The following DUSP16 variants were observed in gnomAD, a reference collection of about 807,000 sequenced individuals.
DUSP16 encodes dual specificity protein phosphatase 16.
In DUSP16, 21 loss-of-function variants were observed where a neutral mutation model predicts 58.3. That is an observed-to-expected ratio of 0.36 (90% CI 0.26 to 0.52). The LOEUF (loss-of-function observed/expected upper bound fraction) is 0.52. Among genes scored for constraint, DUSP16 ranks in the 20% least tolerant of loss-of-function variants. The pLI is 0.94. For synonymous variants in DUSP16, 320 were observed against 323.8 expected, an observed-to-expected ratio of 0.99 and a Z score of 0.12; for missense variants, 726 against 819.0, an observed-to-expected ratio of 0.89 and a Z score of 1.39.
chr12:12,497,972 GAAACA>G (rs34317999), intron 4 of DUSP16, among the ~76,000 whole-genome samples: 43,495 of 150,708 alleles, frequency 0.29, 6,985 homozygotes, highest in Non-Finnish European at 0.34. Context: ...CCATCTCAAA[GAAACA>G]AAACAAAACA....
At chr12:12,484,768 C>T (rs1943646585) in intron 5 of DUSP16, among the ~76,000 whole-genome samples, 1 of 150,836 alleles carries the variant, frequency 6.6e-6, no homozygotes, top group Admixed American at 6.6e-5. Flanking sequence ...ATTACAGGTG[C>T]CCGCCACCAT....
At chr12:12,481,742 A>T (rs1164230264) in intron 5 of DUSP16, among the ~76,000 whole-genome samples, 1 of 152,164 alleles carries the variant, frequency 6.6e-6, no homozygotes, top group African/African-American at 2.4e-5. Flanking sequence ...ACACTCAAAC[A>T]AAGAATTGCA....
intron 3 of DUSP16, among the ~76,000 whole-genome samples, chr12:12,507,975 A>G (rs919377542): frequency 6.6e-6 from 1 of 152,244 alleles, no homozygotes; most frequent in Admixed American, 6.5e-5. Flanking sequence ...TTTTTGTAAC[A>G]TAAACACAAT....
rs1220322707 is a variant in DUSP16, at chr12:12,534,477, CT to C, written c.-365-13015del. ...CCTCATCCCTTGGTTATTTTTTCCA[CT>C]TTGTCCTTTCCACTGTCTTTTTCTA... On this transcript the variant is annotated intron_variant, in intron 1 of 6. Coordinates refer to ENST00000298573, the MANE Select transcript of DUSP16 (RefSeq NM_030640.3). Among the ~76,000 whole-genome samples, 3 of 152,190 alleles carry C rather than the reference CT, an allele frequency of 2.0e-5. No individual in the cohort carries two copies. In the East Asian group the frequency reaches 5.8e-4, roughly 29 times the overall value.
In DUSP16 at chr12:12,500,566, T is replaced by C. The variant is rs1230831671; in HGVS notation, c.484A>G (p.Ile162Val). The C allele has an allele frequency of 2.5e-6, 4 of 1,612,092 alleles. No individual in the cohort carries two copies. In the South Asian group the frequency reaches 4.4e-5, roughly 18 times the overall value. ...LPVANIGPTR[I>V]LPNLYLGCQR... ...CAGCCAAGATAAAGATTGGGAAGAA[T>C]TCGGGTTGGCCCAATGTTGGCAACA... is the stretch of plus-strand genomic sequence containing the variant. The change falls in exon 4 of 7, where the codon ATT becomes GTT. Residue 162 changes from isoleucine to valine, a missense_variant. Transcript: ENST00000298573.
rs777190985 is a variant in DUSP16, at chr12:12,521,130, T to C, written c.-32A>G. 1.0e-5 allele frequency: 16 copies of C among 1,605,582 alleles called. No homozygotes were observed. Among genetic ancestry groups the C allele is most frequent in the Non-Finnish European group, 1.4e-5 (16 of 1,175,620 alleles). ...AATAAGTCCTCTTTTCCCACCTCCTTCTTTAATTTGCCACGATGATGTAAT... is the reference window on the plus strand; with the variant it reads ...AATAAGTCCTCTTTTCCCACCTCCTCCTTTAATTTGCCACGATGATGTAAT... On this transcript the variant is annotated 5_prime_UTR_variant, in exon 2 of 7. Coordinates refer to ENST00000298573, the MANE Select transcript of DUSP16 (RefSeq NM_030640.3).
intron 4 of DUSP16, among the ~76,000 whole-genome samples, chr12:12,490,294 C>T (rs1943743462): frequency 1.3e-5 from 2 of 151,948 alleles, no homozygotes; most frequent in African/African-American, 4.8e-5. Context: ...AAATTTTTAG[C>T]TTAAAAGGTC....
intron 4 of DUSP16, among the ~76,000 whole-genome samples, chr12:12,498,715 A>G (rs1012684156): frequency 1.3e-5 from 2 of 152,158 alleles, no homozygotes; most frequent in Admixed American, 6.6e-5. Context: ...ACAAATATAA[A>G]TTTATATTCA....
intron 1 of DUSP16, among the ~76,000 whole-genome samples, chr12:12,545,983 A>G (rs1051607235): frequency 1.3e-5 from 2 of 152,230 alleles, no homozygotes; most frequent in Admixed American, 1.3e-4. Context: ...GAATATCTGA[A>G]TGGAAAAGAA....
intron 5 of DUSP16, among the ~76,000 whole-genome samples, chr12:12,484,683 G>C (rs767362892): frequency 7.9e-5 from 12 of 152,136 alleles, no homozygotes; most frequent in Non-Finnish European, 8.8e-5. Flanking sequence ...GTGCAATGGC[G>C]TGGTCTCGGC....
At chr12:12,522,466 C>G (rs1944250980) in intron 1 of DUSP16, among the ~76,000 whole-genome samples, 1 of 152,160 alleles carries the variant, frequency 6.6e-6, no homozygotes, top group African/African-American at 2.4e-5. Context: ...ACCTTCAATA[C>G]TCTCGGATTC....
At chr12:12,554,124 G>A (rs1203600405) in intron 1 of DUSP16, among the ~76,000 whole-genome samples, 1 of 148,054 alleles carries the variant, frequency 6.8e-6, no homozygotes, top group African/African-American at 2.5e-5. Context: ...TTGAACCCAG[G>A]AGGCAGAGAT....
chr12:12,533,309 T>C (rs1023506177), intron 1 of DUSP16, among the ~76,000 whole-genome samples: 1 of 152,260 alleles, frequency 6.6e-6, no homozygotes, highest in Non-Finnish European at 1.5e-5. Context: ...GCAAGATGAC[T>C]TTCATTGCTC....
At chr12:12,557,593 G>T (rs111735671) in intron 1 of DUSP16, among the ~76,000 whole-genome samples, 1 of 150,488 alleles carries the variant, frequency 6.6e-6, no homozygotes, top group Admixed American at 6.6e-5. Flanking sequence ...CATTTGGACT[G>T]CACATGAATA....
chr12:12,518,571 C>G (rs542614711), intron 3 of DUSP16, among the ~76,000 whole-genome samples: 1 of 151,892 alleles, frequency 6.6e-6, no homozygotes, highest in East Asian at 1.9e-4. Flanking sequence ...AAGGTAAAGT[C>G]CCTCACACAG....
chr12:12,516,395 G>A (rs1204147746), intron 3 of DUSP16, among the ~76,000 whole-genome samples: 1 of 152,172 alleles, frequency 6.6e-6, no homozygotes, highest in South Asian at 2.1e-4. Flanking sequence ...CTAATGACTA[G>A]AGCAATCAAT....
At chr12:12,556,856 G>A (rs1944813431) in intron 1 of DUSP16, among the ~76,000 whole-genome samples, 2 of 152,170 alleles carry the variant, frequency 1.3e-5, no homozygotes, top group Non-Finnish European at 2.9e-5. Context: ...AGGGACAAGA[G>A]TTGAACAGGT....
chr12:12,540,580 A>C (rs1944536786), intron 1 of DUSP16, among the ~76,000 whole-genome samples: 1 of 152,212 alleles, frequency 6.6e-6, no homozygotes, highest in Non-Finnish European at 1.5e-5. Context: ...CAATTTCATA[A>C]GATATCTATA....
intron 1 of DUSP16, among the ~76,000 whole-genome samples, chr12:12,556,350 G>T (rs1022542735): frequency 1.7e-4 from 26 of 152,170 alleles, no homozygotes; most frequent in Middle Eastern, 6.8e-3. Context: ...TTGAAGCCAG[G>T]AGTTTAAGAC....
Sources: gnomAD v4.1 joint callset for allele counts (sites outside exome capture counted in the v4.1 genomes callset) on GRCh38, gnomAD v4.1.1 for gene constraint, MANE v1.5 for transcripts, NCBI Gene and HGNC (gene_info 2026-07-23, HGNC 2026-07-21) for gene names.